The following DCBLD1 variants were observed in gnomAD, a reference collection of about 807,000 sequenced individuals.
DCBLD1 encodes discoidin, CUB and LCCL domain-containing protein 1.
Under a neutral mutation model 71.5 loss-of-function variants are expected in DCBLD1, and 57 were observed. That is an observed-to-expected ratio of 0.80 (90% CI 0.64 to 0.99). The LOEUF is 0.99. DCBLD1 is among the 50% of genes least tolerant of loss of function. The probability of loss-of-function intolerance (pLI) is 0.00; values close to 1 mark genes in which losing one functional copy is unlikely to be tolerated. For missense variants in DCBLD1, 891 were observed against 923.5 expected (o/e 0.96, Z 0.46); for synonymous variants, 380 against 363.8 (o/e 1.04, Z -0.51).
intron 2 of DCBLD1, among the ~76,000 whole-genome samples, chr6:117,516,001 T>C (rs910427145): frequency 6.6e-6 from 1 of 152,094 alleles, no homozygotes; most frequent in African/African-American, 2.4e-5. Context: ...TTTTAATATA[T>C]TCATTTTTAA....
At chr6:117,523,011 TA>T (rs766603781) in intron 4 of DCBLD1, among the ~76,000 whole-genome samples, 9 of 152,144 alleles carry the variant, frequency 5.9e-5, no homozygotes, top group Non-Finnish European at 1.0e-4. Context: ...TTATGTCTAA[TA>T]GGGGGAAAAA....
intron 5 of DCBLD1, among the ~76,000 whole-genome samples, chr6:117,530,510 C>T (rs1472579432): frequency 3.3e-5 from 5 of 152,178 alleles, no homozygotes; most frequent in Admixed American, 6.5e-5. Flanking sequence ...TGCTGTGTGG[C>T]CCGGTTCCTA....
chr6:117,488,660 A>G (rs965356532), intron 1 of DCBLD1, among the ~76,000 whole-genome samples: 1 of 152,206 alleles, frequency 6.6e-6, no homozygotes, highest in African/African-American at 2.4e-5. Flanking sequence ...GAAAATAACT[A>G]AATTCAACTC....
chr6:117,499,310 C>T (rs770393730), intron 1 of DCBLD1, among the ~76,000 whole-genome samples: 2 of 145,984 alleles, frequency 1.4e-5, no homozygotes, highest in East Asian at 2.0e-4. Flanking sequence ...GGGAGGCTGA[C>T]GTGGGAAGAT....
intron 14 of DCBLD1, among the ~76,000 whole-genome samples, chr6:117,558,307 G>A (rs1312047645): frequency 6.6e-6 from 1 of 152,094 alleles, no homozygotes; most frequent in African/African-American, 2.4e-5. Context: ...ATTTCTGTAG[G>A]TCATTAATAC....
chr6:117,526,855 C>T (rs1444170846), intron 5 of DCBLD1, among the ~76,000 whole-genome samples: 9 of 152,160 alleles, frequency 5.9e-5, no homozygotes, highest in Non-Finnish European at 1.2e-4. Context: ...TTTATTATCT[C>T]ATTTTCTGTG....
intron 2 of DCBLD1, among the ~76,000 whole-genome samples, chr6:117,513,468 G>C (rs900709797): frequency 6.6e-6 from 1 of 152,134 alleles, no homozygotes; most frequent in African/African-American, 2.4e-5. Context: ...ACAATATAGG[G>C]CCGCCAGTTA....
At chr6:117,541,090 C>T in intron 11 of DCBLD1, 65 bp downstream of exon 11, 2 of 1,505,632 alleles carry the variant, frequency 1.3e-6, no homozygotes, top group South Asian at 1.2e-5. Flanking sequence ...ATATCAGTAA[C>T]TTCAACAAAA....
chr6:117,504,069 T>C lies in DCBLD1; in HGVS notation c.325+90T>C. On this transcript the variant is annotated intron_variant, in intron 2 of 14. Coordinates refer to ENST00000338728, the MANE Select transcript of DCBLD1 (RefSeq NM_001366458.2). ...TGGTGTGTTAATTAACGCTATATCA[T>C]GAGAAGATTAGAAGAGAAACTTGCT... 2.9e-6 allele frequency: 4 copies of C among 1,370,720 alleles called. No individual in the cohort carries two copies. The South Asian group carries it at 3.9e-5, about 13-fold the overall frequency. 84.9% of individuals were successfully genotyped at this position (1,370,720 alleles called of 1,614,324 possible). A position where few individuals can be genotyped will look rare whatever the true frequency, so the allele number is the denominator to read the frequency against.
chr6:117,505,333 C>T (rs1318889277), intron 2 of DCBLD1, among the ~76,000 whole-genome samples: 1 of 152,138 alleles, frequency 6.6e-6, no homozygotes, highest in Non-Finnish European at 1.5e-5. Flanking sequence ...GGGAGTCCCT[C>T]ATTAGCCAGG....
At chr6:117,489,312 C>T (rs1348879681) in intron 1 of DCBLD1, among the ~76,000 whole-genome samples, 1 of 152,134 alleles carries the variant, frequency 6.6e-6, no homozygotes, top group Non-Finnish European at 1.5e-5. Flanking sequence ...TCACTTATCA[C>T]CAAGGGGATG....
At position 117,482,731 on chromosome 6, in the gene DCBLD1, G is replaced by C. The variant is rs1776931130; in HGVS notation, c.-51G>C. 3 of 1,114,212 alleles carry C rather than the reference G, an allele frequency of 2.7e-6. No homozygotes were observed. The highest frequency in any genetic ancestry group is 5.0e-5 in the Admixed American group (1 of 19,872). The allele number at this position is 1,114,212 out of a possible 1,614,324, so 69.0% of individuals were successfully genotyped here. A position where few individuals can be genotyped will look rare whatever the true frequency, so the allele number is the denominator to read the frequency against. ...GGCCCGGCCCGGGCAGCTGCGGCTC[G>C]GGATCCGTCGAGGGGAGGCCGAGCT... On this transcript the variant is annotated 5_prime_UTR_variant, in exon 1 of 15. Transcript: ENST00000338728.
intron 3 of DCBLD1, 62 bp from the exon 4 acceptor site, chr6:117,521,463 G>T (rs1319014908): frequency 1.6e-5 from 22 of 1,336,108 alleles, no homozygotes; most frequent in Non-Finnish European, 9.4e-6. Flanking sequence ...AGAAAGCTTT[G>T]CAGCATGAGT....
chr6:117,538,473 G>A (rs999854281), intron 7 of DCBLD1, 147 bp from the exon 8 acceptor site: 86 of 723,640 alleles, frequency 1.2e-4, no homozygotes, highest in South Asian at 4.2e-4. Flanking sequence ...AGTCTGGACC[G>A]TTTAAAAGCT....
At chr6:117,484,211 T>C (rs970188896) in intron 1 of DCBLD1, among the ~76,000 whole-genome samples, 6 of 152,238 alleles carry the variant, frequency 3.9e-5, no homozygotes, top group Admixed American at 3.9e-4. Flanking sequence ...CCTGTACTAA[T>C]CTGGCCAAAG....
chr6:117,569,276 A>G (rs1030330084), intron 14 of DCBLD1, among the ~76,000 whole-genome samples: 5 of 152,176 alleles, frequency 3.3e-5, no homozygotes, highest in African/African-American at 1.2e-4. Flanking sequence ...TGAGTACTTT[A>G]TATGTATTAA....
intron 4 of DCBLD1, among the ~76,000 whole-genome samples, chr6:117,522,774 G>A (rs1778427820): frequency 6.6e-6 from 1 of 152,122 alleles, no homozygotes; most frequent in Non-Finnish European, 1.5e-5. Flanking sequence ...TCTGCACTTA[G>A]CACAGAGTAA....
chr6:117,544,575 C>G lies in DCBLD1; in HGVS notation c.1493C>G (p.Thr498Arg), dbSNP rs1779204215. The G allele has an allele frequency of 8.1e-6, 13 of 1,613,956 alleles. 1 individual carries two copies. The highest frequency in any genetic ancestry group is 3.3e-4 in the Middle Eastern group (2 of 6,060). ...TATGGATCAGCAGAGGCTCAGAAAA[C>G]AGGTTGGTTGAAAACTCTATCTACA... ...SPYGSAEAQKTDCWKQIKYPF... is the reference protein window; with the variant it reads ...SPYGSAEAQKRDCWKQIKYPF... Residue 498 changes from threonine to arginine, a missense_variant and splice_region_variant, in exon 13 of 15, where the codon ACA becomes AGA. Physicochemically the swap from Thr to Arg is moderately conservative, Grantham distance 71 (BLOSUM62 -1). Coordinates refer to ENST00000338728, the MANE Select transcript of DCBLD1 (RefSeq NM_001366458.2).
exon 15 of DCBLD1, chr6:117,569,852 C>G: frequency 1.8e-6 from 2 of 1,134,018 alleles, no homozygotes; most frequent in Non-Finnish European, 2.3e-6. Flanking sequence ...TATGCTGTCT[C>G]TATAAATGCT....
Sources: gnomAD v4.1 joint callset for allele counts (sites outside exome capture counted in the v4.1 genomes callset) on GRCh38, gnomAD v4.1.1 for gene constraint, MANE v1.5 for transcripts, NCBI Gene and HGNC (gene_info 2026-07-23, HGNC 2026-07-21) for gene names.